DCC: variants seen among roughly 807,000 people sequenced by gnomAD.
DCC encodes the protein DCC netrin 1 receptor.
A neutral mutation model predicts 172.5 loss-of-function variants in DCC; 58 were observed. That is an observed-to-expected ratio of 0.34 (90% confidence interval 0.27 to 0.42). The LOEUF is 0.42. DCC is among the 10% of genes least tolerant of loss of function. DCC has a pLI of 1.00. For missense variants in DCC, 1,740 were observed against 1,791.0 expected (o/e 0.97, Z 0.51); for synonymous variants, 709 against 644.5 (o/e 1.10, Z -1.52).
At chr18:53,407,964 A>G (rs1190822292) in intron 19 of DCC, among the ~76,000 whole-genome samples, 1 of 152,200 alleles carries the variant, frequency 6.6e-6, no homozygotes, top group Admixed American at 6.5e-5. Flanking sequence ...TAACAGACAG[A>G]AAGGTCATAC....
chr18:53,090,706 A>AAAAAAAAACAAAAAAAAAC (rs1294722498), intron 7 of DCC, among the ~76,000 whole-genome samples: 1 of 80,808 alleles, frequency 1.2e-5, no homozygotes, highest in Admixed American at 1.2e-4. Context: ...AACAAAAAAA[A>AAAAAAAAACAAAAAAAAAC]AAAAAAAAAA....
intron 1 of DCC, among the ~76,000 whole-genome samples, chr18:52,375,422 G>T (rs1372646741): frequency 1.3e-5 from 2 of 152,038 alleles, no homozygotes; most frequent in South Asian, 2.1e-4. Flanking sequence ...ATGAAATGCT[G>T]GTACTGGTTT....
chr18:53,426,221 A>G, intron 21 of DCC, among the ~76,000 whole-genome samples: 1 of 147,558 alleles, frequency 6.8e-6, no homozygotes, highest in Admixed American at 6.9e-5. Context: ...TTCTTAAAAT[A>G]TATATGTATG....
chr18:52,533,531 T>G (rs1189992566), intron 1 of DCC, among the ~76,000 whole-genome samples: 3 of 152,122 alleles, frequency 2.0e-5, no homozygotes, highest in Non-Finnish European at 4.4e-5. Flanking sequence ...TTGCTTATCA[T>G]AATTTCCCAG....
chr18:52,918,319 T>C (rs1201910467), intron 3 of DCC, among the ~76,000 whole-genome samples: 1 of 152,156 alleles, frequency 6.6e-6, no homozygotes, highest in Non-Finnish European at 1.5e-5. Context: ...TGATTTTTAA[T>C]CAGTAATTAC....
At chr18:52,766,789 A>G (rs1345874160) in intron 2 of DCC, among the ~76,000 whole-genome samples, 1 of 151,886 alleles carries the variant, frequency 6.6e-6, no homozygotes, top group Non-Finnish European at 1.5e-5. Flanking sequence ...GAAAACAGGG[A>G]TATAAGTTCT....
rs148717194 is a variant in DCC at position 52,889,444 on chromosome 18, T to C, written c.413-16600T>C. Among the ~76,000 whole-genome samples the C allele has an allele frequency of 1.2e-3, 188 of 152,212 alleles. 1 individual carries two copies. The highest frequency in any genetic ancestry group is 4.3e-3 in the African/African-American group (180 of 41,558). ...CTACTCTAAATGTGCTGTGCTGGGCTGAGACTACAAAACAACTGAAGTCTC... is the reference window on the plus strand; with the variant it reads ...CTACTCTAAATGTGCTGTGCTGGGCCGAGACTACAAAACAACTGAAGTCTC... On this transcript the variant is annotated intron_variant, in intron 2 of 28. Transcript: ENST00000442544.
intron 12 of DCC, among the ~76,000 whole-genome samples, chr18:53,223,326 G>A (rs117088812): frequency 6.6e-6 from 1 of 152,104 alleles, no homozygotes; most frequent in East Asian, 1.9e-4. Flanking sequence ...GACAAAAAGA[G>A]ATTAAAATAT....
intron 17 of DCC, among the ~76,000 whole-genome samples, chr18:53,394,616 T>A (rs910511488): frequency 9.9e-5 from 15 of 152,032 alleles, no homozygotes; most frequent in Non-Finnish European, 2.9e-5. Context: ...ACAGAGGATA[T>A]GAAGTTGTGC....
chr18:52,603,885 ATT>A (rs3028066), intron 1 of DCC, among the ~76,000 whole-genome samples: 123,196 of 151,742 alleles, frequency 0.81, 50,771 homozygotes, highest in Middle Eastern at 0.91. Flanking sequence ...TTTTCCTCTC[ATT>A]TTATGTATGT....
intron 5 of DCC, among the ~76,000 whole-genome samples, chr18:53,003,721 A>G (rs1290280672): frequency 6.6e-6 from 1 of 151,934 alleles, no homozygotes; most frequent in Non-Finnish European, 1.5e-5. Flanking sequence ...TTTTTCATGC[A>G]TGGCTTAGGA....
intron 1 of DCC, among the ~76,000 whole-genome samples, chr18:52,356,110 A>G (rs944499070): frequency 2.0e-5 from 3 of 152,196 alleles, no homozygotes; most frequent in Admixed American, 2.0e-4. Context: ...GAGATGTGGC[A>G]AGGTCATCTG....
rs144506762 is a variant in DCC at position 52,813,198 on chromosome 18, A to G, written c.412+60824A>G. 6.0e-3 allele frequency among the ~76,000 whole-genome samples: 759 copies of G among 126,550 alleles called. 2 individuals are homozygous for G. The highest frequency in any genetic ancestry group is 0.042 in the Middle Eastern group (10 of 240). 83.0% of individuals were successfully genotyped at this position (126,550 alleles called of 152,430 possible). A position where few individuals can be genotyped will look rare whatever the true frequency, so the allele number is the denominator to read the frequency against. Reference sequence around the variant, plus strand: ...GAAAAATCTTCTTAAATTTTCTGATACAATTAGACACTGATCTCTAATCTT... The same window carrying G: ...GAAAAATCTTCTTAAATTTTCTGATGCAATTAGACACTGATCTCTAATCTT... On this transcript the variant is annotated intron_variant, in intron 2 of 28. Transcript: ENST00000442544.
intron 5 of DCC, among the ~76,000 whole-genome samples, chr18:53,014,422 TCCCTCCCCCCTCCC>T (rs71175544): frequency 1.3e-5 from 1 of 74,644 alleles, no homozygotes; most frequent in East Asian, 5.5e-4. Flanking sequence ...CCTAATGTTA[TCCCTCCCCCCTCCC>T]CCCTCCCCCC....
chr18:52,355,600 T>C (rs542650929), intron 1 of DCC, among the ~76,000 whole-genome samples: 1 of 152,324 alleles, frequency 6.6e-6, no homozygotes, highest in South Asian at 2.1e-4. Context: ...CGACAGATGT[T>C]TTTAAAGGTA....
intron 5 of DCC, among the ~76,000 whole-genome samples, chr18:53,004,525 A>T (rs1242826536): frequency 6.6e-6 from 1 of 152,176 alleles, no homozygotes; most frequent in Non-Finnish European, 1.5e-5. Context: ...TGATTATGAA[A>T]GATTTTAAAA....
At chr18:52,596,682 G>C (rs540641826) in intron 1 of DCC, among the ~76,000 whole-genome samples, 13 of 152,304 alleles carry the variant, frequency 8.5e-5, no homozygotes, top group Admixed American at 8.5e-4. Context: ...GAACTATTTG[G>C]TGACAATATC....
chr18:53,036,993 T>A (rs1273013388), intron 5 of DCC, among the ~76,000 whole-genome samples: 1 of 151,912 alleles, frequency 6.6e-6, no homozygotes, highest in Non-Finnish European at 1.5e-5. Flanking sequence ...TAGAGCAGGA[T>A]CCATATCAAT....
chr18:52,558,794 A>T (rs2032973459), intron 1 of DCC, among the ~76,000 whole-genome samples: 1 of 152,198 alleles, frequency 6.6e-6, no homozygotes, highest in African/African-American at 2.4e-5. Flanking sequence ...TGAGATGGAA[A>T]AGGCATTTTC....
Sources: allele counts gnomAD v4.1 joint callset (sites outside exome capture counted in the v4.1 genomes callset), GRCh38; gene constraint gnomAD v4.1.1; transcripts MANE v1.5; gene names NCBI Gene and HGNC (gene_info 2026-07-23, HGNC 2026-07-21).